EHMT1: variants seen among roughly 807,000 people sequenced by gnomAD.
The protein encoded by EHMT1 is histone-lysine N-methyltransferase EHMT1.
EHMT1 carries 15 observed loss-of-function variants against 147.2 expected under a neutral mutation model. That is an observed-to-expected ratio of 0.10 (90% CI 0.07 to 0.16). EHMT1 has a LOEUF of 0.16. EHMT1 is among the 10% of genes least tolerant of loss of function. The probability of loss-of-function intolerance (pLI) is 1.00; values close to 1 mark genes in which losing one functional copy is unlikely to be tolerated. For synonymous variants in EHMT1, 795 were observed against 709.6 expected (o/e 1.12, Z -1.91); for missense variants, 1,587 against 1,772.4 (o/e 0.90, Z 1.88).
chr9:137,623,849 T>C (rs769953114), intron 1 of EHMT1, among the ~76,000 whole-genome samples: 14 of 152,164 alleles, frequency 9.2e-5, no homozygotes, highest in East Asian at 1.9e-4. Flanking sequence ...TTGGTCTTTT[T>C]TCTTTTTGAG....
At chr9:137,642,882 T>TTCCCC (rs931757919) in intron 1 of EHMT1, among the ~76,000 whole-genome samples, 9 of 152,174 alleles carry the variant, frequency 5.9e-5, no homozygotes, top group Admixed American at 2.0e-4. Flanking sequence ...CTTGATTGCA[T>TTCCCC]TCCCCTCCCC....
At position 137,792,036 on chromosome 9, in the gene EHMT1, A is replaced by C. The variant is rs1364658098; in HGVS notation, c.2505+1066A>C. The C allele has an allele frequency of 4.5e-5, 21 of 464,494 alleles. No individual in the cohort carries two copies. The East Asian group carries it at 1.4e-3, about 31-fold the overall frequency. 28.8% of individuals were successfully genotyped at this position (464,494 alleles called of 1,614,324 possible). Reference sequence around the variant, plus strand: ...GCATGAGCCACCATGCCCAGCGCTAACAGCTTTTTTTTTTACAGATACAGA... The same window carrying C: ...GCATGAGCCACCATGCCCAGCGCTACCAGCTTTTTTTTTTACAGATACAGA... On this transcript the variant is annotated intron_variant, in intron 16 of 26. Transcript: ENST00000460843.
intron 15 of EHMT1, chr9:137,788,054 C>G (rs542869816): frequency 8.5e-5 from 116 of 1,366,744 alleles, no homozygotes; most frequent in Non-Finnish European, 1.1e-4. Flanking sequence ...TGATGGCTCC[C>G]GCTGGCAAAG....
intron 1 of EHMT1, among the ~76,000 whole-genome samples, chr9:137,687,371 T>C (rs1942548498): frequency 6.6e-6 from 1 of 152,116 alleles, no homozygotes; most frequent in Admixed American, 6.6e-5. Flanking sequence ...GCAAAGCCAG[T>C]TGAGATTGTA....
intron 1 of EHMT1, among the ~76,000 whole-genome samples, chr9:137,677,910 G>GGA (rs1554833452): frequency 7.1e-6 from 1 of 140,172 alleles, no homozygotes; most frequent in Admixed American, 7.2e-5. Flanking sequence ...TACAAAAAAA[G>GGA]AAAAAAAAAA....
At chr9:137,718,760 C>CTTTTTTT (rs780405612) in intron 3 of EHMT1, among the ~76,000 whole-genome samples, 2 of 136,304 alleles carry the variant, frequency 1.5e-5, no homozygotes, top group African/African-American at 2.9e-5. Flanking sequence ...TTTTCTTTTT[C>CTTTTTTT]TTTTTTTTTT....
intron 4 of EHMT1, among the ~76,000 whole-genome samples, chr9:137,741,192 G>A (rs1948045644): frequency 6.6e-6 from 1 of 152,020 alleles, no homozygotes; most frequent in African/African-American, 2.4e-5. Flanking sequence ...TAGCCAGGAT[G>A]GTCTCGATCT....
At chr9:137,817,688 G>C in intron 24 of EHMT1, 163 bp downstream of exon 24, 1 of 847,072 alleles carries the variant, frequency 1.2e-6, no homozygotes, top group Non-Finnish European at 1.9e-6. Flanking sequence ...CCAAGCTCGT[G>C]CTGTCCTCAG....
At chr9:137,811,907 C>T (rs896289937) in intron 19 of EHMT1, among the ~76,000 whole-genome samples, 1 of 152,238 alleles carries the variant, frequency 6.6e-6, no homozygotes, top group Non-Finnish European at 1.5e-5. Flanking sequence ...AGCATGGGAA[C>T]AGCCCTGCTC....
chr9:137,733,336 A>C (rs1947278292), intron 4 of EHMT1, among the ~76,000 whole-genome samples: 1 of 152,180 alleles, frequency 6.6e-6, no homozygotes, highest in South Asian at 2.1e-4. Flanking sequence ...AGCGGTTCAC[A>C]ATTTAAAAAC....
At chr9:137,671,820 GC>G in intron 1 of EHMT1, among the ~76,000 whole-genome samples, 1 of 152,186 alleles carries the variant, frequency 6.6e-6, no homozygotes, top group East Asian at 1.9e-4. Flanking sequence ...CAGCCACTGT[GC>G]CTGGGCCTGA....
intron 1 of EHMT1, among the ~76,000 whole-genome samples, chr9:137,635,931 T>C (rs1190684891): frequency 6.6e-6 from 1 of 152,028 alleles, no homozygotes; most frequent in Non-Finnish European, 1.5e-5. Context: ...AAAAATTTTT[T>C]TTTTTTGAGA....
chr9:137,719,969 ACACCAGGACACAG>A, intron 3 of EHMT1, among the ~76,000 whole-genome samples: 1 of 26,018 alleles, frequency 3.8e-5, no homozygotes, highest in Non-Finnish European at 6.6e-5. Flanking sequence ...AACCCCCTCC[ACACCAGGACACAG>A]TCGAGGTGCC....
At chr9:137,745,369 A>G in intron 6 of EHMT1, 1 of 392,994 alleles carries the variant, frequency 2.5e-6, no homozygotes, top group Non-Finnish European at 4.5e-6. Context: ...TTGTAGCTTG[A>G]TTATTTAAAA....
chr9:137,779,409 C>T (rs948209521), intron 13 of EHMT1, among the ~76,000 whole-genome samples: 6 of 152,228 alleles, frequency 3.9e-5, no homozygotes, highest in African/African-American at 1.4e-4. Context: ...GTTTCTTGTC[C>T]GCAGTTTTTA....
At chr9:137,667,285 G>A (rs1486089288) in intron 1 of EHMT1, 6 of 152,192 alleles carry the variant, frequency 3.9e-5, no homozygotes, top group Admixed American at 6.5e-5. Context: ...AAATTTTAAC[G>A]GTGGTTAATG....
chr9:137,805,078 G>A (rs551597278), intron 18 of EHMT1, among the ~76,000 whole-genome samples: 50 of 150,892 alleles, frequency 3.3e-4, no homozygotes, highest in African/African-American at 8.2e-4. Flanking sequence ...TCTGTCAGTC[G>A]TCCACATGTG....
At chr9:137,790,020 G>A (rs1341355040) in intron 15 of EHMT1, among the ~76,000 whole-genome samples, 1 of 152,236 alleles carries the variant, frequency 6.6e-6, no homozygotes, top group Non-Finnish European at 1.5e-5. Context: ...GTGAGCTGCC[G>A]TGCCCGGCCT....
chr9:137,788,277 G>C (rs1279942309), intron 15 of EHMT1: 2 of 428,604 alleles, frequency 4.7e-6, no homozygotes, highest in Non-Finnish European at 8.2e-6. Flanking sequence ...ATTGCTGGGC[G>C]GTGGCAGATG....
Sources: gnomAD v4.1 joint callset for allele counts (sites outside exome capture counted in the v4.1 genomes callset) on GRCh38, gnomAD v4.1.1 for gene constraint, MANE v1.5 for transcripts, NCBI Gene and HGNC (gene_info 2026-07-23, HGNC 2026-07-21) for gene names.